HYDIN: variants seen among roughly 807,000 people sequenced by gnomAD.
The protein encoded by HYDIN is HYDIN axonemal central pair apparatus protein.
A neutral mutation model predicts 403.9 loss-of-function variants in HYDIN; 132 were observed. The observed-to-expected ratio is 0.33, with a 90% CI of 0.28 to 0.38. HYDIN has a LOEUF of 0.38. HYDIN is among the 10% of genes least tolerant of loss of function. The pLI, the probability that HYDIN is intolerant of heterozygous loss-of-function variation, is 1.00. For missense variants in HYDIN, 2,827 were observed against 5,009.5 expected (o/e 0.56, Z 13.15); for synonymous variants, 1,202 against 1,891.7 (o/e 0.64, Z 9.46).
chr16:70,849,370 A>T (rs2038456527), intron 75 of HYDIN, among the ~76,000 whole-genome samples: 1 of 151,718 alleles, frequency 6.6e-6, no homozygotes, highest in Non-Finnish European at 1.5e-5. Context: ...GAAAAGCAGC[A>T]TTTTGGATGT....
chr16:71,228,598 C>T (rs933681481), intron 1 of HYDIN, among the ~76,000 whole-genome samples: 3 of 152,140 alleles, frequency 2.0e-5, no homozygotes, highest in African/African-American at 4.8e-5. Context: ...CAAATCAAAA[C>T]CACAATAAGA....
At chr16:71,030,311 C>T (rs1597591209) in intron 19 of HYDIN, among the ~76,000 whole-genome samples, 3 of 151,862 alleles carry the variant, frequency 2.0e-5, no homozygotes, top group South Asian at 4.2e-4. Flanking sequence ...CTCAGCCTCC[C>T]AAAGTAAAGT....
chr16:71,187,643 CCATTAAA>C (rs2144671082), intron 1 of HYDIN, among the ~76,000 whole-genome samples: 1 of 151,768 alleles, frequency 6.6e-6, no homozygotes, highest in South Asian at 2.1e-4. Context: ...AACCCTAAAA[CCATTAAA>C]AACAAACAAA....
intron 5 of HYDIN, among the ~76,000 whole-genome samples, chr16:71,167,257 T>C (rs1388082920): frequency 6.6e-6 from 1 of 151,888 alleles, no homozygotes; most frequent in South Asian, 2.1e-4. Context: ...CCCCACATAA[T>C]TCAACAATGC....
intron 23 of HYDIN, 46 bp from the exon 24 acceptor site, chr16:70,992,256 G>T: frequency 2.0e-6 from 3 of 1,516,400 alleles, no homozygotes; most frequent in Non-Finnish European, 1.8e-6. Flanking sequence ...GGAGACATCA[G>T]TTTTTGCAAA....
chr16:70,932,874 C>T (rs2077387813), intron 45 of HYDIN, among the ~76,000 whole-genome samples: 1 of 151,998 alleles, frequency 6.6e-6, no homozygotes, highest in African/African-American at 2.4e-5. Flanking sequence ...GGGTAAAATA[C>T]ACACCTTTCA....
intron 1 of HYDIN, among the ~76,000 whole-genome samples, chr16:71,214,961 G>C (rs1402717443): frequency 6.6e-6 from 1 of 152,190 alleles, no homozygotes; most frequent in African/African-American, 2.4e-5. Context: ...ATAATGGAGA[G>C]ATCTGCTCTA....
Position 71,057,740 on chromosome 16 carries a change from A to C in HYDIN, c.2529+2764T>G, listed in dbSNP as rs535783159. 1.6e-3 allele frequency among the ~76,000 whole-genome samples: 244 copies of C among 151,386 alleles called. 1 individual carries two copies. Among genetic ancestry groups the C allele is most frequent in the South Asian group, 6.9e-3 (33 of 4,772 alleles). On this transcript the variant is annotated intron_variant, in intron 18 of 85. Transcript: ENST00000393567. ...TCCAGAATCTACAATGAACTCAAAC[A>C]AATTTACAAGAAAAAAACAACCCCA...
chr16:71,032,266 T>C (rs1275430034), intron 18 of HYDIN, among the ~76,000 whole-genome samples: 1 of 151,410 alleles, frequency 6.6e-6, no homozygotes, highest in African/African-American at 2.4e-5. Flanking sequence ...TTTATGGAGT[T>C]TGAAATTTTT....
At chr16:70,989,529 A>G (rs1353428622) in intron 25 of HYDIN, among the ~76,000 whole-genome samples, 1 of 152,118 alleles carries the variant, frequency 6.6e-6, no homozygotes, top group Non-Finnish European at 1.5e-5. Flanking sequence ...ATATGTGTGT[A>G]TATATAGTGT....
chr16:71,195,304 A>T (rs2087637408), intron 1 of HYDIN, among the ~76,000 whole-genome samples: 1 of 152,108 alleles, frequency 6.6e-6, no homozygotes, highest in African/African-American at 2.4e-5. Context: ...AATTCTATGC[A>T]ATTAACTTTG....
chr16:71,207,258 T>C (rs1299485012), intron 1 of HYDIN, among the ~76,000 whole-genome samples: 1 of 152,142 alleles, frequency 6.6e-6, no homozygotes, highest in Non-Finnish European at 1.5e-5. Context: ...CCAGAAGAGA[T>C]TGGGGGTCTA....
chr16:70,938,447 G>A (rs1009198374), intron 44 of HYDIN, among the ~76,000 whole-genome samples, 167 bp downstream of exon 44: 5 of 152,248 alleles, frequency 3.3e-5, no homozygotes, highest in Non-Finnish European at 7.3e-5. Flanking sequence ...CAGCACCCTT[G>A]ATGGGCGGGA....
At chr16:71,222,803 C>T (rs79612058) in intron 1 of HYDIN, among the ~76,000 whole-genome samples, 15,061 of 152,114 alleles carry the variant, frequency 0.099, 2,443 homozygotes, top group African/African-American at 0.34. Flanking sequence ...AAGACCTCTA[C>T]GCGGAAAACT....
chr16:70,834,965 CAT>C (rs557989718), intron 78 of HYDIN, among the ~76,000 whole-genome samples: 27 of 137,970 alleles, frequency 2.0e-4, no homozygotes, highest in South Asian at 4.3e-4. Context: ...TATATACACA[CAT>C]ATATGTGTGT....
intron 45 of HYDIN, among the ~76,000 whole-genome samples, chr16:70,925,811 G>C (rs2077136778): frequency 6.6e-6 from 1 of 152,200 alleles, no homozygotes; most frequent in Non-Finnish European, 1.5e-5. Flanking sequence ...GACATGAATA[G>C]ACACTTCTCA....
intron 12 of HYDIN, among the ~76,000 whole-genome samples, chr16:71,084,579 G>A (rs980442903): frequency 2.0e-5 from 3 of 148,058 alleles, no homozygotes; most frequent in African/African-American, 7.6e-5. Context: ...AGTAGAGACA[G>A]GGTTTCACCA....
chr16:71,048,648 T>C (rs1014091943), intron 18 of HYDIN, among the ~76,000 whole-genome samples: 2 of 151,528 alleles, frequency 1.3e-5, no homozygotes, highest in African/African-American at 4.9e-5. Context: ...AAATACCACA[T>C]GTAAGTGGGA....
intron 7 of HYDIN, among the ~76,000 whole-genome samples, chr16:71,146,202 T>A (rs1410670548): frequency 6.6e-6 from 1 of 151,970 alleles, no homozygotes; most frequent in South Asian, 2.1e-4. Context: ...AGTAAAAGGG[T>A]TGACTATGCT....
Sources: allele counts gnomAD v4.1 joint callset (sites outside exome capture counted in the v4.1 genomes callset), GRCh38; gene constraint gnomAD v4.1.1; transcripts MANE v1.5; gene names NCBI Gene and HGNC (gene_info 2026-07-23, HGNC 2026-07-21).